AGMO: variants seen among roughly 807,000 people sequenced by gnomAD.
The protein encoded by AGMO is glyceryl-ether monooxygenase.
Under a neutral mutation model 60.2 loss-of-function variants are expected in AGMO, and 75 were observed. That is an observed-to-expected ratio of 1.25 (90% confidence interval 1.03 to 1.51). AGMO has a LOEUF of 1.51. Ranked by LOEUF, AGMO falls within the 40% of genes most tolerant of loss-of-function variation. AGMO has a pLI of 0.00. For missense variants in AGMO, 763 were observed against 525.5 expected, an observed-to-expected ratio of 1.45 and a Z score of -4.42; for synonymous variants, 261 against 177.1, an observed-to-expected ratio of 1.47 and a Z score of -3.76.
the AGMO span, among the ~76,000 whole-genome samples, chr7:15,131,490 C>A: frequency 6.6e-6 from 1 of 151,834 alleles, no homozygotes; most frequent in Non-Finnish European, 1.5e-5. Flanking sequence ...GGCGTGGACA[C>A]CCCAAAGATA....
intron 12 of AGMO, among the ~76,000 whole-genome samples, chr7:15,322,764 C>G (rs1286581143): frequency 1.8e-5 from 2 of 108,524 alleles, no homozygotes; most frequent in South Asian, 5.4e-4. Flanking sequence ...ATATATATAT[C>G]ACAAAATTAT....
At chr7:15,295,248 G>T (rs1784376987) in intron 12 of AGMO, among the ~76,000 whole-genome samples, 1 of 151,752 alleles carries the variant, frequency 6.6e-6, no homozygotes, top group South Asian at 2.1e-4. Flanking sequence ...ACTCCTTTAA[G>T]AATTAATGGA....
At chr7:15,355,578 A>G (rs757427657) in intron 12 of AGMO, among the ~76,000 whole-genome samples, 2 of 151,342 alleles carry the variant, frequency 1.3e-5, no homozygotes, top group African/African-American at 2.4e-5. Context: ...ATATTTTTGC[A>G]TAATTATAGC....
At chr7:15,324,501 C>A (rs1258856684) in intron 12 of AGMO, among the ~76,000 whole-genome samples, 1 of 152,066 alleles carries the variant, frequency 6.6e-6, no homozygotes, top group Non-Finnish European at 1.5e-5. Context: ...TTCTTGATTT[C>A]TTTTTTTCTC....
chr7:15,462,721 G>T (rs896385233), intron 3 of AGMO, among the ~76,000 whole-genome samples: 2 of 152,042 alleles, frequency 1.3e-5, no homozygotes, highest in Admixed American at 1.3e-4. Context: ...TCATGTGATT[G>T]GCTAAAATGC....
At chr7:15,370,276 A>G (rs556454768) in intron 10 of AGMO, among the ~76,000 whole-genome samples, 1 of 152,298 alleles carries the variant, frequency 6.6e-6, no homozygotes, top group Non-Finnish European at 1.5e-5. Flanking sequence ...TATATGTAAC[A>G]CGTTTTCTTC....
chr7:15,383,776 A>G (rs375036209), intron 10 of AGMO, among the ~76,000 whole-genome samples: 3 of 152,070 alleles, frequency 2.0e-5, no homozygotes, highest in South Asian at 2.1e-4. Flanking sequence ...TGTTAATCCT[A>G]TCTTTATTCA....
At chr7:15,354,341 C>CACACGCGTGTATATACGT (rs1782380425) in intron 12 of AGMO, among the ~76,000 whole-genome samples, 1 of 34,052 alleles carries the variant, frequency 2.9e-5, no homozygotes, top group Admixed American at 2.5e-4. Flanking sequence ...CGTGTATATA[C>CACACGCGTGTATATACGT]ACGCGTGTAT....
intron 3 of AGMO, among the ~76,000 whole-genome samples, chr7:15,504,913 C>A (rs1340261647): frequency 6.6e-6 from 1 of 151,876 alleles, no homozygotes; most frequent in Admixed American, 6.6e-5. Flanking sequence ...TAATGTTCAT[C>A]TCTTTCAAAA....
chr7:15,387,109 A>C (rs1473877999), intron 9 of AGMO, among the ~76,000 whole-genome samples: 1 of 152,082 alleles, frequency 6.6e-6, no homozygotes, highest in Non-Finnish European at 1.5e-5. Flanking sequence ...TGTATTTGTG[A>C]AGTTATGCCC....
At chr7:15,363,649 G>A (rs556519917) in intron 12 of AGMO, among the ~76,000 whole-genome samples, 11 of 152,002 alleles carry the variant, frequency 7.2e-5, no homozygotes, top group African/African-American at 1.7e-4. Context: ...TATCACTAGC[G>A]TTCATCACAC....
At chr7:15,464,648 T>C (rs944569134) in intron 3 of AGMO, among the ~76,000 whole-genome samples, 10 of 152,140 alleles carry the variant, frequency 6.6e-5, no homozygotes, top group African/African-American at 2.4e-4. Context: ...TAGAAAAATC[T>C]GAGGTGAGGT....
intron 12 of AGMO, among the ~76,000 whole-genome samples, chr7:15,220,371 C>G (rs1347899314): frequency 1.3e-5 from 2 of 151,030 alleles, no homozygotes; most frequent in African/African-American, 4.9e-5. Context: ...AGGGGCCCGC[C>G]TATCATTCCT....
intron 5 of AGMO, among the ~76,000 whole-genome samples, chr7:15,397,302 G>A (rs1034490838): frequency 1.3e-5 from 2 of 151,778 alleles, no homozygotes; most frequent in African/African-American, 4.8e-5. Context: ...CGCCCAGTGC[G>A]CGGTCCACCG....
At chr7:15,544,200 T>G (rs1484950943) in intron 3 of AGMO, among the ~76,000 whole-genome samples, 1 of 146,184 alleles carries the variant, frequency 6.8e-6, no homozygotes, top group Non-Finnish European at 1.5e-5. Flanking sequence ...AATGATACAT[T>G]GGACTTTAGA....
intron 10 of AGMO, among the ~76,000 whole-genome samples, chr7:15,379,655 G>C (rs1388487714): frequency 1.3e-5 from 2 of 152,034 alleles, no homozygotes; most frequent in African/African-American, 2.4e-5. Flanking sequence ...CAGATTCACA[G>C]CTGAATTCTA....
chr7:15,192,267 C>T, the AGMO span, among the ~76,000 whole-genome samples: 7 of 149,568 alleles, frequency 4.7e-5, no homozygotes, highest in African/African-American at 1.7e-4. Flanking sequence ...CGCCATGCCC[C>T]CCACATCCTG....
At chr7:15,236,624 CGAT>C (rs1434541351) in intron 12 of AGMO, among the ~76,000 whole-genome samples, 1 of 151,748 alleles carries the variant, frequency 6.6e-6, no homozygotes, top group African/African-American at 2.4e-5. Flanking sequence ...GGCCAGTCAT[CGAT>C]GATATTATTG....
intron 12 of AGMO, among the ~76,000 whole-genome samples, chr7:15,357,526 C>A (rs774024183): frequency 8.5e-5 from 13 of 152,096 alleles, no homozygotes; most frequent in Non-Finnish European, 1.8e-4. Flanking sequence ...ATTTCCCCAC[C>A]CTTTGATTTT....
Sources: allele counts gnomAD v4.1 joint callset (sites outside exome capture counted in the v4.1 genomes callset), GRCh38; gene constraint gnomAD v4.1.1; transcripts MANE v1.5; gene names NCBI Gene and HGNC (gene_info 2026-07-23, HGNC 2026-07-21).